Variants in GRM6 observed in about 807,000 individuals in gnomAD.
GRM6 encodes the protein glutamate metabotropic receptor 6.
Under a neutral mutation model 78.4 loss-of-function variants are expected in GRM6, and 73 were observed. The ratio of observed to expected loss-of-function variants is 0.93; its 90% CI spans 0.77 to 1.13. GRM6 has a LOEUF of 1.13. GRM6 is among the 50% of genes most tolerant of loss of function. The pLI, the probability that GRM6 is intolerant of heterozygous loss-of-function variation, is 0.00. For synonymous variants in GRM6, 580 were observed against 555.0 expected (o/e 1.05, Z -0.63); for missense variants, 1,251 against 1,256.4 (o/e 1.00, Z 0.07).
At chr5:178,985,254 A>G (rs577338222) in intron 9 of GRM6, 12 of 456,518 alleles carry the variant, frequency 2.6e-5, no homozygotes, top group South Asian at 1.9e-4. Context: ...TTTGGTTTAG[A>G]AAATAACTTC....
chr5:178,985,854 T>C (rs1760529759), intron 9 of GRM6: 1 of 545,816 alleles, frequency 1.8e-6, no homozygotes, highest in Non-Finnish European at 3.4e-6. Context: ...CTTCAACTCT[T>C]GGGCTCAAGC....
At chr5:178,995,180 C>G (rs183695858) in intron 1 of GRM6, 96 bp downstream of exon 1, 353 of 186,128 alleles carry the variant, frequency 1.9e-3, no homozygotes, top group African/African-American at 7.7e-3. Flanking sequence ...ACCACTGCCT[C>G]CACCCCTCCA....
rs2113341976 is a variant in GRM6, at chr5:178,991,436, T to G, written c.845A>C (p.Glu282Ala). ...NARGIIIFAN[E>A]DDIRRVLEAA... ...GCCACTGTCCCACCTGATGTCATCC[T>G]CATTGGCAAAGATGATGATGCCCCG... The change falls in exon 4 of 11, where the codon GAG becomes GCG. Residue 282 changes from glutamate (E) to alanine (A), a missense_variant. Transcript: ENST00000517717. The surrounding 1 kb of genome is among the most constrained non-coding windows in gnomAD (Gnocchi z 5.0). 3.7e-6 allele frequency: 6 copies of G among 1,614,046 alleles called. No homozygotes were observed. In the Middle Eastern group the frequency reaches 8.2e-4, roughly 222 times the overall value.
At chr5:178,985,187 C>A in intron 9 of GRM6, 1 of 440,350 alleles carries the variant, frequency 2.3e-6, no homozygotes. Flanking sequence ...AACAGGAAAA[C>A]CGGTCAGATA....
rs773424016 is a variant in GRM6, at chr5:178,989,412, A to G, written c.1013-7T>C. 2 of 1,614,046 alleles carry G rather than the reference A, an allele frequency of 1.2e-6. No individual in the cohort carries two copies. Among genetic ancestry groups the G allele is most frequent in the Non-Finnish European group, 1.7e-6 (2 of 1,180,002 alleles). On this transcript the variant is annotated splice_polypyrimidine_tract_variant and splice_region_variant and intron_variant, in intron 5 of 10. Coordinates refer to ENST00000517717, the MANE Select transcript of GRM6 (RefSeq NM_000843.4). The stretch of plus-strand genomic sequence containing the variant: ...ATGAAGTACTGGTCAAATCCTACAG[A>G]CAGGGAAGAAGGGGGAGGGTGGCGC...
chr5:178,985,682 G>C (rs148093411), intron 9 of GRM6: 15 of 386,938 alleles, frequency 3.9e-5, no homozygotes, highest in Admixed American at 6.9e-5. Flanking sequence ...CAGCCTGGGC[G>C]ACACAGCGAG....
chr5:178,985,521 G>A (rs1760501299), intron 9 of GRM6: 1 of 338,162 alleles, frequency 3.0e-6, no homozygotes, highest in Non-Finnish European at 5.8e-6. Flanking sequence ...GGCTAACACG[G>A]TGAAGCCCTG....
intron 7 of GRM6, among the ~76,000 whole-genome samples, chr5:178,987,678 A>C (rs1255923049): frequency 6.6e-6 from 1 of 152,126 alleles, no homozygotes; most frequent in Non-Finnish European, 1.5e-5. Context: ...GGAAGTGTTT[A>C]ATGCATACAG....
At chr5:178,989,709 T>A in intron 5 of GRM6, 1 of 480,420 alleles carries the variant, frequency 2.1e-6, no homozygotes, top group South Asian at 2.1e-5. Flanking sequence ...GCCTCACCAT[T>A]TGAAAGACTT....
In GRM6 at chr5:178,986,307, G is replaced by C; in HGVS notation, c.1947C>G (p.Val649=). Residue 649 remains valine (V), a synonymous_variant, in exon 9 of 11, where the codon GTC becomes GTG. Coordinates refer to ENST00000517717, the MANE Select transcript of GRM6 (RefSeq NM_000843.4). The part of the protein sequence containing the change: ...FLMVAEPGAA[V]CAARRLFLGL... ...CCAGGAAGAGCCTGCGGGCGGCACA[G>C]ACCGCGGCCCCAGGCTCAGCCACCA... 6.2e-7 allele frequency: 1 copy of C among 1,614,022 alleles called. No homozygotes were observed. The highest frequency in any genetic ancestry group is 8.5e-7 in the Non-Finnish European group (1 of 1,179,982).
rs1760574713 is a variant in GRM6, at chr5:178,986,912, G to T, written c.1426C>A (p.Gln476Lys). The T allele has an allele frequency of 1.2e-6, 2 of 1,614,038 alleles. No individual in the cohort carries two copies. The highest frequency in any genetic ancestry group is 1.7e-5 in the Admixed American group (1 of 60,010). ...APGRYDIFQY[Q>K]ATNGSASSGG... Reference sequence around the variant, plus strand: ...CTGCTGGCACTGCCATTGGTCGCCTGGTACTGGAAGATGTCGTACCGCCCG... The same window carrying T: ...CTGCTGGCACTGCCATTGGTCGCCTTGTACTGGAAGATGTCGTACCGCCCG... Residue 476 changes from glutamine (Q) to lysine (K), a missense_variant, in exon 8 of 11, where the codon CAG becomes AAG. Coordinates refer to ENST00000517717, the MANE Select transcript of GRM6 (RefSeq NM_000843.4).
rs1442446391 is a variant in GRM6 at position 178,991,562 on chromosome 5, G to T, written c.722-3C>A. On this transcript the variant is annotated splice_polypyrimidine_tract_variant and splice_region_variant and intron_variant, in intron 3 of 10. Transcript: ENST00000517717. This position sits in a 1 kb window ranked among gnomAD's most constrained non-coding sequence, Gnocchi z 5.0. ...AGACTGGGCAATACAGACCCCCCCT[G>T]GGCGTTGGGGGTGCCAGAGTCAGCT... The T allele has an allele frequency of 1.2e-6, 2 of 1,613,690 alleles. No individual in the cohort carries two copies. The highest frequency in any genetic ancestry group is 1.7e-6 in the Non-Finnish European group (2 of 1,179,868).
Position 178,991,639 on chromosome 5 carries a change from T to G in GRM6, c.722-80A>C, listed in dbSNP as rs756512271. ...CTGGCCACCGCTGCAGAGGACTGTG[T>G]AGGCTGGCTGAAGGGTCTGCAGGGG... On this transcript the variant is annotated intron_variant, in intron 3 of 10. Coordinates refer to ENST00000517717, the MANE Select transcript of GRM6 (RefSeq NM_000843.4). This position sits in a 1 kb window ranked among gnomAD's most constrained non-coding sequence, Gnocchi z 5.0. The G allele has an allele frequency of 4.6e-6, 7 of 1,513,034 alleles. No homozygotes were observed. The highest frequency in any genetic ancestry group is 6.4e-6 in the Non-Finnish European group (7 of 1,091,182). The allele number at this position is 1,513,034 out of a possible 1,614,324, so 93.7% of individuals were successfully genotyped here.
rs778393434 is a variant in GRM6, at chr5:178,994,723, G to C, written c.222C>G (p.Tyr74Ter). Reference protein sequence around the residue: ...QGVHRLEAMLYALDRVNADPE... With the variant: ...QGVHRLEAML ...GGTCGGCGTTGACGCGGTCCAGCGC[G>C]TACAGCATGGCCTCCAGCCGGTGCA... The change falls in exon 2 of 11, where the codon TAC becomes TAG. Residue 74 changes from tyrosine to a stop codon, truncating the protein, a stop_gained. Transcript: ENST00000517717. LOFTEE classifies it high-confidence loss of function. 2 of 1,465,216 alleles carry C rather than the reference G, an allele frequency of 1.4e-6. No individual in the cohort carries two copies. Among genetic ancestry groups the C allele is most frequent in the Non-Finnish European group, 1.8e-6 (2 of 1,110,582 alleles). The allele number at this position is 1,465,216 out of a possible 1,614,324, so 90.8% of individuals were successfully genotyped here.
rs1050469005 is a variant in GRM6 at position 178,989,307 on chromosome 5, TG to T, written c.1110del (p.Ser371AlafsTer34). On this transcript the variant is annotated frameshift_variant, in exon 6 of 11. Coordinates refer to ENST00000517717, the MANE Select transcript of GRM6 (RefSeq NM_000843.4). LOFTEE classifies it high-confidence loss of function. ...GAATCGTCTGACTGGGTACCTGAGC[TG>T]GTCAGTTTGCAGTTAAAATTCTCTT... ...FWEENFNCKL[T>X]SSGTQSDDST... is the part of the protein sequence containing the mutation. 2 of 1,613,176 alleles carry T rather than the reference TG, an allele frequency of 1.2e-6. No individual in the cohort carries two copies. The highest frequency in any genetic ancestry group is 2.7e-5 in the African/African-American group (2 of 74,642).
intron 7 of GRM6, 40 bp from the exon 8 acceptor site, chr5:178,987,023 C>T: frequency 6.2e-7 from 1 of 1,603,422 alleles, no homozygotes; most frequent in South Asian, 1.1e-5. Flanking sequence ...TCCTCCAGCC[C>T]AGCAGAGCTG....
intron 2 of GRM6, among the ~76,000 whole-genome samples, chr5:178,993,659 T>C (rs1760721718): frequency 6.6e-6 from 1 of 152,066 alleles, no homozygotes; most frequent in Non-Finnish European, 1.5e-5. Flanking sequence ...CCAGAAAAAC[T>C]GTCCCACAAC....
rs1355426277 is a variant in GRM6 at position 178,990,712 on chromosome 5, T to C, written c.892A>G (p.Thr298Ala). The part of the protein sequence containing the change: ...VLEAARQANL[T>A]GHFLWVGSDS... The stretch of plus-strand genomic sequence containing the variant: ...GAGCCGACCCACAGGAAGTGGCCGG[T>C]CAGGTTGGCCTGGCGAGCTGCCTCC... The change falls in exon 5 of 11, where the codon ACC becomes GCC. Residue 298 changes from threonine (T) to alanine (A), a missense_variant. Coordinates refer to ENST00000517717, the MANE Select transcript of GRM6 (RefSeq NM_000843.4). 2 of 1,587,246 alleles carry C rather than the reference T, an allele frequency of 1.3e-6. No homozygotes were observed. The highest frequency in any genetic ancestry group is 1.7e-6 in the Non-Finnish European group (2 of 1,167,896).
At position 178,983,125 on chromosome 5, in the gene GRM6, C is replaced by A. The variant is rs1484265581; in HGVS notation, c.2221G>T (p.Val741Leu). ...AGATCCGACATGTCGCACTTGAGCA[C>A]CCCTCTGGCCTGCTCGGGGTCCACC... ...RTVDPEQARGVLKCDMSDLSL... is the reference protein window; with the variant it reads ...RTVDPEQARGLLKCDMSDLSL... Residue 741 changes from valine to leucine, a missense_variant, in exon 10 of 11, where the codon GTG becomes TTG. Transcript: ENST00000517717. 3.7e-6 allele frequency: 6 copies of A among 1,613,782 alleles called. No homozygotes were observed. The highest frequency in any genetic ancestry group is 4.5e-5 in the East Asian group (2 of 44,884).
Sources: allele counts gnomAD v4.1 joint callset (sites outside exome capture counted in the v4.1 genomes callset), GRCh38; gene constraint gnomAD v4.1.1; non-coding constraint Gnocchi (gnomAD v3.1); transcripts MANE v1.5; gene names NCBI Gene and HGNC (gene_info 2026-07-23, HGNC 2026-07-21).